Variants in RBBP5 observed in about 807,000 individuals in gnomAD.
The protein encoded by RBBP5 is RB binding protein 5, histone lysine methyltransferase complex subunit, also known as retinoblastoma-binding protein 5.
Under a neutral mutation model 72.2 loss-of-function variants are expected in RBBP5, and 5 were observed. That is an observed-to-expected ratio of 0.07 (90% confidence interval 0.04 to 0.15). The LOEUF (loss-of-function observed/expected upper bound fraction) is 0.15. RBBP5 is among the 10% of genes least tolerant of loss of function. The pLI is 1.00. For missense variants in RBBP5, 322 were observed against 652.2 expected (o/e 0.49, Z 5.51); for synonymous variants, 209 against 237.2 (o/e 0.88, Z 1.09).
At chr1:205,096,441 C>T (rs1003548454) in intron 12 of RBBP5, among the ~76,000 whole-genome samples, 6 of 152,076 alleles carry the variant, frequency 3.9e-5, no homozygotes, top group Middle Eastern at 3.2e-3. Flanking sequence ...AACTCTGAGC[C>T]GGCTGTCAGA....
chr1:205,115,923 A>C, intron 1 of RBBP5, 40 bp from the exon 2 acceptor site: 1 of 1,613,988 alleles, frequency 6.2e-7, no homozygotes, highest in African/African-American at 1.3e-5. Context: ...CACATGTACC[A>C]CATAGCAAGG....
chr1:205,089,722 A>G (rs1282782613), intron 13 of RBBP5, among the ~76,000 whole-genome samples: 1 of 152,238 alleles, frequency 6.6e-6, no homozygotes. Context: ...ACTGAATGTT[A>G]TGCTGTTAAA....
Position 205,087,306 on chromosome 1 carries a change from C to T in RBBP5, c.*1481G>A, listed in dbSNP as rs1655172668. On this transcript the variant is annotated 3_prime_UTR_variant, in exon 14 of 14. Coordinates refer to ENST00000264515, the MANE Select transcript of RBBP5 (RefSeq NM_005057.4). ...CTGCCTCCCACGTTCAAGTGATTCT[C>T]CTGACTCAGCCTCCAGTGTAGCTGG... is the stretch of plus-strand genomic sequence containing the variant. 1 of 151,722 alleles carries T rather than the reference C, an allele frequency of 6.6e-6. No homozygotes were observed. The highest frequency in any genetic ancestry group is 1.5e-5 in the Non-Finnish European group (1 of 68,034). 9.4% of individuals were successfully genotyped at this position (151,722 alleles called of 1,614,324 possible).
chr1:205,121,932 G>T lies in RBBP5; in HGVS notation c.-59C>A. On this transcript the variant is annotated 5_prime_UTR_variant, in exon 1 of 14. Transcript: ENST00000264515. ...GGCAACAACACCTTCTCCCCGGCCG[G>T]CTTCAGCAACTTGCGTCTAAGTGGT... 1 of 1,604,008 alleles carries T rather than the reference G, an allele frequency of 6.2e-7. No individual in the cohort carries two copies. The highest frequency in any genetic ancestry group is 1.7e-5 in the Admixed American group (1 of 59,922).
intron 10 of RBBP5, among the ~76,000 whole-genome samples, chr1:205,098,431 A>G (rs1361750970): frequency 1.3e-5 from 2 of 152,226 alleles, no homozygotes; most frequent in Non-Finnish European, 2.9e-5. Flanking sequence ...ATGATATGTT[A>G]AGAGAGCTGC....
chr1:205,106,101 A>AC (rs1374419160), intron 3 of RBBP5, among the ~76,000 whole-genome samples: 1 of 152,154 alleles, frequency 6.6e-6, no homozygotes, highest in African/African-American at 2.4e-5. Flanking sequence ...AGAGAGAAGG[A>AC]ACAAGGAATT....
chr1:205,105,463 C>T (rs1017050186), intron 3 of RBBP5, among the ~76,000 whole-genome samples: 2 of 152,102 alleles, frequency 1.3e-5, no homozygotes, highest in Admixed American at 6.5e-5. Context: ...AAATCAGCTG[C>T]GCTTTAAGAG....
At chr1:205,117,996 G>A (rs1283803192) in intron 1 of RBBP5, among the ~76,000 whole-genome samples, 1 of 151,800 alleles carries the variant, frequency 6.6e-6, no homozygotes, top group Non-Finnish European at 1.5e-5. Flanking sequence ...TTTTAGTAGA[G>A]ACGGGGTTTC....
chr1:205,097,538 A>G (rs1655663705), intron 10 of RBBP5, 143 bp from the exon 11 acceptor site: 2 of 817,406 alleles, frequency 2.4e-6, no homozygotes, highest in Non-Finnish European at 4.0e-6. Context: ...CATTTAACAA[A>G]TATGTGCTGA....
chr1:205,106,872 T>C (rs906251785), intron 3 of RBBP5, among the ~76,000 whole-genome samples: 13 of 151,506 alleles, frequency 8.6e-5, no homozygotes, highest in African/African-American at 1.2e-4. Context: ...AAACAGAAGA[T>C]ACAGAGAAGA....
At position 205,103,846 on chromosome 1, in the gene RBBP5, T is replaced by C; in HGVS notation, c.522+11A>G. 1 of 1,607,036 alleles carries C rather than the reference T, an allele frequency of 6.2e-7. No homozygotes were observed. ...GTACAAGATGCCTGATTTGCCAGCTTTTAGGCTTACCTTGCCTTTTGCGTT... is the reference window on the plus strand; with the variant it reads ...GTACAAGATGCCTGATTTGCCAGCTCTTAGGCTTACCTTGCCTTTTGCGTT... On this transcript the variant is annotated intron_variant, in intron 5 of 13. Coordinates refer to ENST00000264515, the MANE Select transcript of RBBP5 (RefSeq NM_005057.4).
intron 13 of RBBP5, among the ~76,000 whole-genome samples, chr1:205,093,720 T>C (rs1350553373): frequency 6.6e-6 from 1 of 151,196 alleles, no homozygotes; most frequent in Non-Finnish European, 1.5e-5. Context: ...AGTCTAAATC[T>C]AGTAAACTCG....
At chr1:205,114,989 G>A in intron 2 of RBBP5, 28 bp from the exon 3 acceptor site, 1 of 1,552,106 alleles carries the variant, frequency 6.4e-7, no homozygotes, top group Non-Finnish European at 8.8e-7. Flanking sequence ...TACAAGAATA[G>A]AGGCAACAAT....
Position 205,088,751 on chromosome 1 carries a change from G to C in RBBP5, c.*36C>G. 1 of 1,572,806 alleles carries C rather than the reference G, an allele frequency of 6.4e-7. No homozygotes were observed. Among genetic ancestry groups the C allele is most frequent in the Non-Finnish European group, 8.7e-7 (1 of 1,149,072 alleles). On this transcript the variant is annotated 3_prime_UTR_variant, in exon 14 of 14. Transcript: ENST00000264515. Reference sequence around the variant, plus strand: ...CCACAGTGTCCAGAGGCCACATGATGGCAAAGTGAGAAAGAATGAAGAACT... The same window carrying C: ...CCACAGTGTCCAGAGGCCACATGATCGCAAAGTGAGAAAGAATGAAGAACT...
chr1:205,111,729 T>G (rs2102318257), intron 3 of RBBP5, among the ~76,000 whole-genome samples: 1 of 152,210 alleles, frequency 6.6e-6, no homozygotes, highest in East Asian at 1.9e-4. Context: ...GCTTTGAAGA[T>G]CTTTCTAAAA....
chr1:205,095,256 C>A (rs1655565333), intron 12 of RBBP5, among the ~76,000 whole-genome samples, 192 bp from the exon 13 acceptor site: 1 of 152,154 alleles, frequency 6.6e-6, no homozygotes, highest in African/African-American at 2.4e-5. Context: ...GGCCAAAAGG[C>A]ACACATGGCT....
Position 205,099,780 on chromosome 1 carries a change from A to G in RBBP5, c.939T>C (p.Ile313=). Reference sequence around the variant, plus strand: ...CCCAGATAGATACCACTCCACTGGAAATGGATGCTATGATGGGTCGAACAG... The same window carrying G: ...CCCAGATAGATACCACTCCACTGGAGATGGATGCTATGATGGGTCGAACAG... ...WHPVRPIIAS[I]SSGVVSIWAQ... is the part of the protein sequence containing the mutation. Residue 313 remains isoleucine, a synonymous_variant, in exon 9 of 14, where the codon ATT becomes ATC. Transcript: ENST00000264515. The surrounding 1 kb of genome is among the most constrained non-coding windows in gnomAD (Gnocchi z 4.7). The G allele has an allele frequency of 6.2e-7, 1 of 1,613,962 alleles. No individual in the cohort carries two copies.
intron 4 of RBBP5, 66 bp from the exon 5 acceptor site, chr1:205,104,085 T>C: frequency 3.2e-6 from 5 of 1,549,974 alleles, no homozygotes; most frequent in Non-Finnish European, 4.4e-6. Flanking sequence ...TCCCTGTCCT[T>C]TTCCCTGATC....
At chr1:205,108,721 ATAT>A (rs1656181168) in intron 3 of RBBP5, among the ~76,000 whole-genome samples, 1 of 152,218 alleles carries the variant, frequency 6.6e-6, no homozygotes, top group African/African-American at 2.4e-5. Context: ...ATGGTTAAGA[ATAT>A]GGCTCAAAAG....
Sources: allele counts gnomAD v4.1 joint callset (sites outside exome capture counted in the v4.1 genomes callset), GRCh38; gene constraint gnomAD v4.1.1; non-coding constraint Gnocchi (gnomAD v3.1); transcripts MANE v1.5; gene names NCBI Gene and HGNC (gene_info 2026-07-23, HGNC 2026-07-21).